Variants in UBXN2A observed in about 807,000 individuals in gnomAD.
UBXN2A encodes UBX domain-containing protein 2A.
In UBXN2A, 28 loss-of-function variants were observed where a neutral mutation model predicts 28.4. The observed-to-expected ratio is 0.99, with a 90% CI of 0.73 to 1.35. The LOEUF (loss-of-function observed/expected upper bound fraction) is 1.35, where lower values mean the gene tolerates loss of function less well. UBXN2A is among the 40% of genes most tolerant of loss of function. The pLI is 0.00. For missense variants in UBXN2A, 253 were observed against 297.9 expected (o/e 0.85, Z 1.11); for synonymous variants, 97 against 103.6 (o/e 0.94, Z 0.39).
chr2:23,961,222 A>G (rs1273758017), intron 2 of UBXN2A, among the ~76,000 whole-genome samples: 2 of 150,798 alleles, frequency 1.3e-5, no homozygotes, highest in Non-Finnish European at 3.0e-5. Flanking sequence ...CAGCCTCCCA[A>G]GTAGCTGGGA....
chr2:23,978,696 G>C (rs1412089033), intron 4 of UBXN2A, among the ~76,000 whole-genome samples: 1 of 151,710 alleles, frequency 6.6e-6, no homozygotes, highest in East Asian at 1.9e-4. Context: ...GGGCACGGGG[G>C]CTTACGCCTG....
intron 1 of UBXN2A, among the ~76,000 whole-genome samples, chr2:23,935,384 TCAA>T (rs200742857): frequency 1.2e-4 from 18 of 150,642 alleles, no homozygotes; most frequent in East Asian, 5.8e-4. Flanking sequence ...CTCCTGTAAC[TCAA>T]CAACAACAAC....
At chr2:23,988,356 T>C (rs1708214080) in intron 6 of UBXN2A, among the ~76,000 whole-genome samples, 1 of 152,216 alleles carries the variant, frequency 6.6e-6, no homozygotes, top group Non-Finnish European at 1.5e-5. Flanking sequence ...CCTTCCTTTA[T>C]AGCAAAAGGC....
chr2:23,983,543 C>T (rs955546492), intron 5 of UBXN2A, among the ~76,000 whole-genome samples: 18 of 152,230 alleles, frequency 1.2e-4, no homozygotes, highest in South Asian at 8.3e-4. Flanking sequence ...AGTAAAAAAT[C>T]ATGCAGGCTT....
chr2:23,969,063 T>G (rs932323251), intron 2 of UBXN2A: 9 of 151,714 alleles, frequency 5.9e-5, no homozygotes, highest in African/African-American at 2.2e-4. Context: ...TAGCTAATTT[T>G]TATATTTTTA....
Position 23,999,790 on chromosome 2 carries a change from G to A in UBXN2A, c.703G>A (p.Glu235Lys), listed in dbSNP as rs753336862. 9 of 1,614,188 alleles carry A rather than the reference G, an allele frequency of 5.6e-6. No homozygotes were observed. The highest frequency in any genetic ancestry group is 7.6e-6 in the Non-Finnish European group (9 of 1,180,026). Residue 235 changes from glutamate to lysine, a missense_variant, in exon 7 of 7, where the codon GAA (glutamate) becomes AAA (lysine). Transcript: ENST00000309033. ...GCTAGATGAGACACTCACACTGGAA[G>A]AAGCAGATTTACAGAATGCTGTCAT... ...RLLDETLTLE[E>K]ADLQNAVIIQ...
chr2:23,936,951 TTCACC>T (rs1705548309), upstream of UBXN2A, among the ~76,000 whole-genome samples: 1 of 152,128 alleles, frequency 6.6e-6, no homozygotes, highest in African/African-American at 2.4e-5. Flanking sequence ...CCTCAAGTGA[TTCACC>T]TGCCTAAGCC....
At chr2:23,940,775 T>A (rs1705713638) in intron 1 of UBXN2A, 127 bp downstream of exon 1, 6 of 149,096 alleles carry the variant, frequency 4.0e-5, no homozygotes, top group Admixed American at 4.0e-4. Context: ...TCGGGGGGAG[T>A]CTCGCTCCGG....
chr2:23,994,793 A>G (rs1708470289), intron 6 of UBXN2A, among the ~76,000 whole-genome samples: 1 of 152,224 alleles, frequency 6.6e-6, no homozygotes, highest in Non-Finnish European at 1.5e-5. Flanking sequence ...AAAGATACCT[A>G]TGCTTCTATC....
intron 4 of UBXN2A, chr2:23,977,392 G>A (rs766707448): frequency 5.0e-4 from 95 of 189,182 alleles, no homozygotes; most frequent in Non-Finnish European, 9.1e-4. Context: ...TGTGATCCCA[G>A]CACTTTGGGA....
chr2:23,947,809 GCA>G (rs1343102047), intron 1 of UBXN2A, among the ~76,000 whole-genome samples: 1 of 152,120 alleles, frequency 6.6e-6, no homozygotes, highest in East Asian at 1.9e-4. Flanking sequence ...TCAGTGGCTT[GCA>G]CACATTGGTG....
intron 1 of UBXN2A, among the ~76,000 whole-genome samples, chr2:23,946,101 G>A (rs1706063685): frequency 6.6e-6 from 1 of 151,774 alleles, no homozygotes; most frequent in Non-Finnish European, 1.5e-5. Context: ...CAAAGTGTGG[G>A]GATTACAGGC....
At chr2:23,930,225 C>G (rs1438409308) in intron 1 of UBXN2A, among the ~76,000 whole-genome samples, 1 of 152,084 alleles carries the variant, frequency 6.6e-6, no homozygotes, top group African/African-American at 2.4e-5. Flanking sequence ...TGAGCTTGAG[C>G]CCAGGAGTTC....
chr2:23,943,540 T>A (rs1705872879), intron 1 of UBXN2A, among the ~76,000 whole-genome samples: 1 of 152,070 alleles, frequency 6.6e-6, no homozygotes. Context: ...CAGGTTGGAG[T>A]GCAATGACCC....
upstream of UBXN2A, among the ~76,000 whole-genome samples, chr2:23,937,861 C>T (rs1356223492): frequency 1.3e-5 from 2 of 152,104 alleles, no homozygotes; most frequent in Non-Finnish European, 2.9e-5. Context: ...TTACACAAAC[C>T]TGGATGGTAT....
chr2:23,972,934 A>G (rs1707480000), intron 3 of UBXN2A, among the ~76,000 whole-genome samples: 2 of 152,328 alleles, frequency 1.3e-5, no homozygotes, highest in East Asian at 1.9e-4. Flanking sequence ...TACAATATAC[A>G]GAAGTGTCTC....
chr2:23,962,989 G>A (rs568246876), intron 2 of UBXN2A, among the ~76,000 whole-genome samples: 45 of 152,312 alleles, frequency 3.0e-4, no homozygotes, highest in African/African-American at 9.9e-4. Context: ...GGAAGAGCAA[G>A]TTACATCTTA....
intron 1 of UBXN2A, among the ~76,000 whole-genome samples, chr2:23,932,807 A>C (rs1465387163): frequency 2.0e-5 from 3 of 152,238 alleles, no homozygotes; most frequent in Non-Finnish European, 4.4e-5. Context: ...AGAAAATCAC[A>C]AAAGAATCAT....
chr2:23,934,252 G>A (rs1442864579), intron 1 of UBXN2A, among the ~76,000 whole-genome samples: 1 of 152,022 alleles, frequency 6.6e-6, no homozygotes, highest in African/African-American at 2.4e-5. Context: ...ATTGTGCACT[G>A]TCCAATGTGA....
Sources: allele counts gnomAD v4.1 joint callset (sites outside exome capture counted in the v4.1 genomes callset), GRCh38; gene constraint gnomAD v4.1.1; transcripts MANE v1.5; gene names NCBI Gene and HGNC (gene_info 2026-07-23, HGNC 2026-07-21).